Variants in LIMCH1 observed in about 807,000 individuals in gnomAD.
LIMCH1 encodes the protein LIM and calponin homology domains 1.
In LIMCH1, 113 loss-of-function variants were observed where a neutral mutation model predicts 176.5. That is an observed-to-expected ratio of 0.64 (90% CI 0.55 to 0.75). The LOEUF is 0.75. LIMCH1 is among the 30% of genes least tolerant of loss of function. LIMCH1 has a pLI of 0.00. For synonymous variants in LIMCH1, 619 were observed against 645.9 expected (o/e 0.96, Z 0.63); for missense variants, 1,674 against 1,814.9 (o/e 0.92, Z 1.41).
At position 41,678,923 on chromosome 4, in the gene LIMCH1, C is replaced by G. The variant is rs61012940; in HGVS notation, c.3520-1083C>G. Among the ~76,000 whole-genome samples the G allele has an allele frequency of 6.1e-3, 923 of 152,226 alleles. 5 individuals are homozygous for G. The highest frequency in any genetic ancestry group is 0.021 in the African/African-American group (887 of 41,536). On this transcript the variant is annotated intron_variant, in intron 23 of 31. Transcript: ENST00000503057. The stretch of plus-strand genomic sequence containing the variant: ...GTGCCCCTGAAGTCCCTCTCTAAAA[C>G]TTTACAATACTTGGTTTTCGTAACA...
upstream of LIMCH1, among the ~76,000 whole-genome samples, chr4:41,360,030 T>TGTAGG (rs1288215152): frequency 9.7e-6 from 1 of 103,236 alleles, no homozygotes; most frequent in African/African-American, 3.0e-5. This position sits in a 1 kb window ranked among gnomAD's most constrained non-coding sequence, Gnocchi z 4.5. Context: ...GTGTAGGGTG[T>TGTAGG]GTGTGTGTGT....
chr4:41,360,710 C>T (rs2051847750), upstream of LIMCH1: 2 of 523,132 alleles, frequency 3.8e-6, no homozygotes, highest in South Asian at 4.4e-5. The surrounding 1 kb of genome is among the most constrained non-coding windows in gnomAD (Gnocchi z 4.5). Context: ...CCGGGACCTG[C>T]GCCGGCCGGG....
intron 1 of LIMCH1, among the ~76,000 whole-genome samples, chr4:41,568,460 C>T (rs1398287417): frequency 2.6e-5 from 4 of 152,192 alleles, no homozygotes; most frequent in Non-Finnish European, 4.4e-5. Context: ...TCCACATGCA[C>T]ACAGAGTATA....
At chr4:41,428,632 G>A (rs182401310) in intron 1 of LIMCH1, among the ~76,000 whole-genome samples, 34 of 152,324 alleles carry the variant, frequency 2.2e-4, no homozygotes, top group African/African-American at 7.2e-4. Flanking sequence ...ATCGGTAAAA[G>A]GTGACACTTG....
chr4:41,605,958 C>T lies in LIMCH1; in HGVS notation c.-38C>T. ...AGCTGCACATCCTACAGCGGAACGACACTAAACCTGAAGGAGTTTGAAGGA... is the reference window on the plus strand; with the variant it reads ...AGCTGCACATCCTACAGCGGAACGATACTAAACCTGAAGGAGTTTGAAGGA... On this transcript the variant is annotated 5_prime_UTR_variant, in exon 4 of 32. Coordinates refer to ENST00000503057, the MANE Select transcript of LIMCH1 (RefSeq NM_001330672.2). 1 of 1,613,844 alleles carries T rather than the reference C, an allele frequency of 6.2e-7. No individual in the cohort carries two copies. The highest frequency in any genetic ancestry group is 8.5e-7 in the Non-Finnish European group (1 of 1,179,794).
At chr4:41,682,778 G>A (rs996284051) in intron 26 of LIMCH1, among the ~76,000 whole-genome samples, 1 of 149,972 alleles carries the variant, frequency 6.7e-6, no homozygotes, top group Non-Finnish European at 1.5e-5. Context: ...CCAGGTTCAA[G>A]CGAGTCTCCT....
At chr4:41,581,821 A>C (rs908790028) in intron 1 of LIMCH1, among the ~76,000 whole-genome samples, 18 of 151,016 alleles carry the variant, frequency 1.2e-4, no homozygotes, top group Non-Finnish European at 2.5e-4. Flanking sequence ...AAAAAAAAAA[A>C]AAAAAAAAAC....
intron 1 of LIMCH1, among the ~76,000 whole-genome samples, chr4:41,585,801 T>G (rs1205788238): frequency 6.6e-6 from 1 of 152,194 alleles, no homozygotes; most frequent in Non-Finnish European, 1.5e-5. Context: ...AACTTCCAAC[T>G]CATCTCAGAC....
chr4:41,524,874 G>A (rs750932005), intron 3 of LIMCH1, among the ~76,000 whole-genome samples: 3 of 152,166 alleles, frequency 2.0e-5, no homozygotes, highest in South Asian at 2.1e-4. Context: ...GAAAACAGTC[G>A]TTTTATAATA....
At chr4:41,486,793 T>C (rs2069631587) in intron 1 of LIMCH1, among the ~76,000 whole-genome samples, 1 of 152,042 alleles carries the variant, frequency 6.6e-6, no homozygotes, top group Non-Finnish European at 1.5e-5. Flanking sequence ...TTTTTTATTT[T>C]GAGACAGAGA....
At chr4:41,682,288 G>GT (rs1321862833) in intron 25 of LIMCH1, 45 bp from the exon 26 acceptor site, 1 of 1,511,484 alleles carries the variant, frequency 6.6e-7, no homozygotes, top group Admixed American at 1.7e-5. Flanking sequence ...GTTATACAGT[G>GT]TTTTTAAAAT....
intron 21 of LIMCH1, chr4:41,670,858 G>T (rs1267884636): frequency 2.0e-6 from 3 of 1,521,536 alleles, no homozygotes; most frequent in East Asian, 2.5e-5. Flanking sequence ...GATCAATGAT[G>T]TGTGGCACTT....
intron 9 of LIMCH1, 27 bp downstream of exon 9, chr4:41,629,761 C>T (rs1049547972): frequency 2.6e-6 from 4 of 1,519,508 alleles, no homozygotes; most frequent in Non-Finnish European, 2.6e-6. Context: ...CCCCAGTTTC[C>T]CCCTGGCAGT....
intron 18 of LIMCH1, among the ~76,000 whole-genome samples, chr4:41,656,748 G>C (rs187279178): frequency 8.5e-5 from 13 of 152,206 alleles, no homozygotes; most frequent in Admixed American, 8.5e-4. Context: ...TGTCCAAGAC[G>C]AGAGCCAGGA....
At chr4:41,578,749 G>C (rs2084911998) in intron 1 of LIMCH1, among the ~76,000 whole-genome samples, 1 of 150,742 alleles carries the variant, frequency 6.6e-6, no homozygotes, top group Non-Finnish European at 1.5e-5. Flanking sequence ...CTTTGATAGG[G>C]TCTCACTTGG....
intron 1 of LIMCH1, among the ~76,000 whole-genome samples, chr4:41,453,095 C>A (rs2154147870): frequency 6.6e-6 from 1 of 152,256 alleles, no homozygotes; most frequent in Non-Finnish European, 1.5e-5. Flanking sequence ...TATCGGTGGC[C>A]AGGTGGTGCT....
intron 1 of LIMCH1, among the ~76,000 whole-genome samples, chr4:41,373,258 T>C (rs2054245513): frequency 6.6e-6 from 1 of 152,144 alleles, no homozygotes; most frequent in African/African-American, 2.4e-5. Flanking sequence ...CAAGAAATCA[T>C]GTTCTAGGCA....
intron 1 of LIMCH1, among the ~76,000 whole-genome samples, chr4:41,461,813 C>A (rs568831227): frequency 2.1e-4 from 32 of 152,294 alleles, no homozygotes; most frequent in African/African-American, 5.8e-4. Context: ...CTTTGCTTTG[C>A]ATGGAAATCA....
At chr4:41,477,358 G>A (rs556053003) in intron 1 of LIMCH1, among the ~76,000 whole-genome samples, 1 of 152,290 alleles carries the variant, frequency 6.6e-6, no homozygotes, top group East Asian at 1.9e-4. Context: ...TCTTCCTTCA[G>A]AGGAGTTTGC....
Sources: allele counts gnomAD v4.1 joint callset (sites outside exome capture counted in the v4.1 genomes callset), GRCh38; gene constraint gnomAD v4.1.1; non-coding constraint Gnocchi (gnomAD v3.1); transcripts MANE v1.5; gene names NCBI Gene and HGNC (gene_info 2026-07-23, HGNC 2026-07-21).